ZCCHC14: variants seen among roughly 807,000 people sequenced by gnomAD.
ZCCHC14 encodes the protein zinc finger CCHC domain-containing protein 14.
A neutral mutation model predicts 85.0 loss-of-function variants in ZCCHC14; 16 were observed. The observed-to-expected ratio is 0.19, with a 90% CI of 0.13 to 0.29. The LOEUF is 0.29. Among genes scored for constraint, ZCCHC14 ranks in the 10% least tolerant of loss-of-function variants. ZCCHC14 has a pLI of 1.00. For synonymous variants in ZCCHC14, 775 were observed against 630.7 expected (o/e 1.23, Z -3.43); for missense variants, 1,303 against 1,443.5 (o/e 0.90, Z 1.58).
intron 8 of ZCCHC14, among the ~76,000 whole-genome samples, 171 bp downstream of exon 8, chr16:87,417,289 T>G (rs1404153498): frequency 6.6e-6 from 1 of 152,224 alleles, no homozygotes; most frequent in Non-Finnish European, 1.5e-5. Flanking sequence ...TGTGGCTGGC[T>G]GCAGCTGCAG....
At chr16:87,475,286 T>G (rs185297007) in intron 1 of ZCCHC14, among the ~76,000 whole-genome samples, 15 of 152,266 alleles carry the variant, frequency 9.9e-5, no homozygotes, top group African/African-American at 3.6e-4. Flanking sequence ...GTGCAGTGGC[T>G]CACGCCTGTA....
rs563187730 is a variant in ZCCHC14 at position 87,424,840 on chromosome 16, G to C, written c.769-959C>G. Among the ~76,000 whole-genome samples the C allele has an allele frequency of 3.3e-5, 5 of 152,280 alleles. No individual in the cohort carries two copies. In the South Asian group the frequency reaches 6.2e-4, roughly 19 times the overall value. ...CAGGGAGGAGGCCAGGTCAGGAAGG[G>C]ACAAGCACCAAATGCAAATTGCACT... On this transcript the variant is annotated intron_variant, in intron 3 of 12. Coordinates refer to ENST00000671377, the MANE Select transcript of ZCCHC14 (RefSeq NM_015144.3).
chr16:87,490,916 CAGCGACACAGGCCCCA>C (rs1209400844), intron 1 of ZCCHC14, among the ~76,000 whole-genome samples: 1 of 152,260 alleles, frequency 6.6e-6, no homozygotes, highest in Admixed American at 6.5e-5. Context: ...CCCAGGCCCC[CAGCGACACAGGCCCCA>C]AGCAGGGCCT....
intron 1 of ZCCHC14, among the ~76,000 whole-genome samples, chr16:87,463,657 T>C (rs540289203): frequency 1.3e-5 from 2 of 152,214 alleles, no homozygotes; most frequent in East Asian, 3.9e-4. Context: ...ACCTCGTCTC[T>C]ACTAAAAATA....
rs1432604804 is a variant in ZCCHC14, at chr16:87,467,470, C to T, written c.571-7339G>A. ...GCCATTTCTGTTCACGGTGTGAGTA[C>T]CTCTGGAGGACAGATGTACCACTAT... is the stretch of plus-strand genomic sequence containing the variant. On this transcript the variant is annotated intron_variant, in intron 1 of 12. Transcript: ENST00000671377. 6.2e-6 allele frequency: 10 copies of T among 1,606,508 alleles called. No homozygotes were observed. In the East Asian group the frequency reaches 1.6e-4, roughly 25 times the overall value.
rs762840841 is a variant in ZCCHC14 at position 87,412,929 on chromosome 16, G to C, written c.1792C>G (p.Leu598Val). The C allele has an allele frequency of 6.2e-6, 10 of 1,602,502 alleles. No individual in the cohort carries two copies. The highest frequency in any genetic ancestry group is 1.7e-4 in the Middle Eastern group (1 of 5,998). Reference protein sequence around the residue: ...ESSDKEKPVMLLNHFTSSSAR... With the variant: ...ESSDKEKPVMVLNHFTSSSAR... ...GAACTGGAAGTGAAGTGATTCAGCAGCATCACCGGCTTCTCCTTGTCAGAG... is the reference window on the plus strand; with the variant it reads ...GAACTGGAAGTGAAGTGATTCAGCACCATCACCGGCTTCTCCTTGTCAGAG... The change falls in exon 12 of 13, where the codon CTG (leucine) becomes GTG (valine). Residue 598 changes from leucine (L) to valine (V), a missense_variant. Transcript: ENST00000671377.
chr16:87,452,591 C>T lies in ZCCHC14; in HGVS notation c.694+7417G>A, dbSNP rs191249523. ...GGAAACAGAGAGGCAAGGGGAAAGC[C>T]AGGCAAGGGTGTTCTCAGGAAACCG... On this transcript the variant is annotated intron_variant, in intron 2 of 12. Coordinates refer to ENST00000671377, the MANE Select transcript of ZCCHC14 (RefSeq NM_015144.3). Among the ~76,000 whole-genome samples, 36 of 152,266 alleles carry T rather than the reference C, an allele frequency of 2.4e-4. No individual in the cohort carries two copies. In the East Asian group the frequency reaches 6.8e-3, roughly 29 times the overall value.
intron 1 of ZCCHC14, among the ~76,000 whole-genome samples, chr16:87,485,949 A>G (rs1340697307): frequency 1.3e-5 from 2 of 152,232 alleles, no homozygotes; most frequent in Non-Finnish European, 2.9e-5. Context: ...TCGCACTTGA[A>G]CAAATGATAC....
chr16:87,411,725 G>A lies in ZCCHC14; in HGVS notation c.2996C>T (p.Pro999Leu), dbSNP rs1313623812. Reference protein sequence around the residue: ...APYSSSGTPDPVLSGQSTFAV... With the variant: ...APYSSSGTPDLVLSGQSTFAV... The stretch of plus-strand genomic sequence containing the variant: ...AAACGTGGACTGCCCACTCAGGACA[G>A]GGTCTGGGGTCCCGCTGCTGCTGTA... The change falls in exon 12 of 13, where the codon CCT (proline) becomes CTT (leucine). Residue 999 changes from proline (P) to leucine (L), a missense_variant. Pro to Leu is a moderately conservative substitution (Grantham distance 98, BLOSUM62 -3). This residue lies in a region of ZCCHC14 where 797 missense variants were observed against 730.8 expected (regional missense o/e 1.09). Coordinates refer to ENST00000671377, the MANE Select transcript of ZCCHC14 (RefSeq NM_015144.3). 1.2e-6 allele frequency: 2 copies of A among 1,613,914 alleles called. No individual in the cohort carries two copies. Among genetic ancestry groups the A allele is most frequent in the Non-Finnish European group, 1.7e-6 (2 of 1,180,026 alleles).
rs1297888517 is a variant in ZCCHC14, at chr16:87,407,106, C to G, written c.*3174G>C. The G allele has an allele frequency of 6.6e-6, 1 of 152,316 alleles. No homozygotes were observed. The highest frequency in any genetic ancestry group is 2.4e-5 in the African/African-American group (1 of 41,468). The allele number at this position is 152,316 out of a possible 1,614,324, so 9.4% of individuals were successfully genotyped here. On this transcript the variant is annotated 3_prime_UTR_variant, in exon 13 of 13. Transcript: ENST00000671377. ...GGCAAGTGCCTAAAGCCCCGCTCAGCCTCTGTTCCAGCTGGGTGATGTTTA... is the reference window on the plus strand; with the variant it reads ...GGCAAGTGCCTAAAGCCCCGCTCAGGCTCTGTTCCAGCTGGGTGATGTTTA...
chr16:87,426,687 C>T (rs1182797536), intron 3 of ZCCHC14, among the ~76,000 whole-genome samples: 1 of 152,232 alleles, frequency 6.6e-6, no homozygotes, highest in African/African-American at 2.4e-5. Context: ...CCTAAGGGGA[C>T]AGGCAGCCCA....
chr16:87,492,685 A>T lies in ZCCHC14; in HGVS notation c.-447T>A, dbSNP rs912383996. The T allele has an allele frequency of 8.4e-5, 12 of 142,510 alleles. No homozygotes were observed. The highest frequency in any genetic ancestry group is 3.0e-4 in the African/African-American group (12 of 39,392). 8.8% of individuals were successfully genotyped at this position (142,510 alleles called of 1,614,324 possible). A position where few individuals can be genotyped will look rare whatever the true frequency, so the allele number is the denominator to read the frequency against. ...GTCTGTCACTGCGGGCCGCCCCCCG[A>T]CGGAGCCGCCCCGGCCATGCCGTCG... On this transcript the variant is annotated 5_prime_UTR_variant, in exon 1 of 13. Coordinates refer to ENST00000671377, the MANE Select transcript of ZCCHC14 (RefSeq NM_015144.3). This position sits in a 1 kb window ranked among gnomAD's most constrained non-coding sequence, Gnocchi z 6.7.
chr16:87,422,580 A>AG (rs1491184263), intron 4 of ZCCHC14, among the ~76,000 whole-genome samples: 2 of 151,394 alleles, frequency 1.3e-5, no homozygotes, highest in African/African-American at 2.4e-5. Flanking sequence ...AAAAAAAAAA[A>AG]AGAGAGAGAG....
At chr16:87,458,377 G>A (rs1377004639) in intron 2 of ZCCHC14, among the ~76,000 whole-genome samples, 26 of 152,184 alleles carry the variant, frequency 1.7e-4, no homozygotes, top group Admixed American at 1.6e-3. Context: ...CAGGATGAGG[G>A]TGCGGTGAAG....
chr16:87,475,867 T>A (rs927918030), intron 1 of ZCCHC14, among the ~76,000 whole-genome samples: 5 of 151,960 alleles, frequency 3.3e-5, no homozygotes, highest in African/African-American at 7.2e-5. Flanking sequence ...TTCCCACAGC[T>A]GGCAGAAGGC....
chr16:87,478,580 T>C lies in ZCCHC14; in HGVS notation c.570+13089A>G, dbSNP rs185441770. Among the ~76,000 whole-genome samples the C allele has an allele frequency of 1.4e-3, 206 of 152,082 alleles. 1 individual carries two copies. Among genetic ancestry groups the C allele is most frequent in the Admixed American group, 3.3e-3 (51 of 15,270 alleles). ...TGCTTCCCACACAACCTCAATACTC[T>C]GTGCTTTCAAAGTATCTCATTAATT... On this transcript the variant is annotated intron_variant, in intron 1 of 12. Coordinates refer to ENST00000671377, the MANE Select transcript of ZCCHC14 (RefSeq NM_015144.3).
intron 2 of ZCCHC14, among the ~76,000 whole-genome samples, chr16:87,445,266 C>T (rs1265124179): frequency 6.6e-6 from 1 of 152,060 alleles, no homozygotes; most frequent in Non-Finnish European, 1.5e-5. Context: ...GGGGTTTCAC[C>T]ATGTTGACCA....
chr16:87,423,736 AT>A, intron 4 of ZCCHC14, 73 bp downstream of exon 4: 1 of 1,550,654 alleles, frequency 6.4e-7, no homozygotes, highest in South Asian at 1.1e-5. Context: ...GGCCTCTGAA[AT>A]TACTCCGTGG....
chr16:87,415,480 G>A, intron 8 of ZCCHC14, 113 bp from the exon 9 acceptor site: 1 of 870,874 alleles, frequency 1.1e-6, no homozygotes, highest in Non-Finnish European at 1.8e-6. Flanking sequence ...TATGCAAACA[G>A]ATCCAGCTGA....
Sources: gnomAD v4.1 joint callset for allele counts (sites outside exome capture counted in the v4.1 genomes callset) on GRCh38, gnomAD v4.1.1 for gene constraint, gnomAD v4.1.1 regional missense constraint, Gnocchi (gnomAD v3.1) non-coding constraint, MANE v1.5 for transcripts, NCBI Gene and HGNC (gene_info 2026-07-23, HGNC 2026-07-21) for gene names.